Variants in DNM2 observed in about 807,000 individuals in gnomAD.
DNM2 encodes the protein dynamin 2.
Under a neutral mutation model 99.0 loss-of-function variants are expected in DNM2, and 15 were observed. That is an observed-to-expected ratio of 0.15 (90% CI 0.10 to 0.23). The LOEUF (loss-of-function observed/expected upper bound fraction) is 0.23. DNM2 is among the 10% of genes least tolerant of loss of function. The pLI, the probability that DNM2 is intolerant of heterozygous loss-of-function variation, is 1.00. For missense variants in DNM2, 742 were observed against 1,189.4 expected (o/e 0.62, Z 5.53); for synonymous variants, 525 against 481.2 (o/e 1.09, Z -1.19).
intron 7 of DNM2, among the ~76,000 whole-genome samples, chr19:10,792,708 AGC>A (rs1053143164): frequency 9.9e-5 from 15 of 152,044 alleles, no homozygotes; most frequent in Admixed American, 7.2e-4. Context: ...CCCAGATTCA[AGC>A]GGTTCTCCTG....
At chr19:10,730,579 C>T (rs2069279413) in intron 1 of DNM2, among the ~76,000 whole-genome samples, 2 of 152,098 alleles carry the variant, frequency 1.3e-5, no homozygotes, top group South Asian at 4.1e-4. Context: ...GTTTTGGAGA[C>T]TCACAGCCTG....
At chr19:10,753,010 G>A (rs1471070548) in intron 1 of DNM2, among the ~76,000 whole-genome samples, 3 of 152,166 alleles carry the variant, frequency 2.0e-5, no homozygotes, top group Non-Finnish European at 4.4e-5. Context: ...TGTGATCCCA[G>A]CTACTTGGGA....
At chr19:10,759,570 C>A in intron 1 of DNM2, 168 bp from the exon 2 acceptor site, 1 of 779,498 alleles carries the variant, frequency 1.3e-6, no homozygotes, top group Non-Finnish European at 2.3e-6. Flanking sequence ...GCTCTTCAGG[C>A]CTCAGGACCC....
chr19:10,753,047 C>T (rs528774327), intron 1 of DNM2, among the ~76,000 whole-genome samples: 9 of 152,238 alleles, frequency 5.9e-5, no homozygotes, highest in African/African-American at 1.9e-4. Context: ...TCACTTGAGC[C>T]CTACAGTTGG....
chr19:10,724,891 C>T (rs993224705), intron 1 of DNM2, among the ~76,000 whole-genome samples: 5 of 152,176 alleles, frequency 3.3e-5, no homozygotes, highest in African/African-American at 4.8e-5. Flanking sequence ...TTTCCAGCTG[C>T]GTTTTTATTT....
At chr19:10,808,426 TGC>T in intron 13 of DNM2, 141 bp from the exon 14 acceptor site, 1 of 760,382 alleles carries the variant, frequency 1.3e-6, no homozygotes, top group Admixed American at 3.1e-5. Flanking sequence ...TTTTTTCTTT[TGC>T]TGTTTTTTCC....
At position 10,831,055 on chromosome 19, in the gene DNM2, G is replaced by T. The variant is rs764535055; in HGVS notation, c.*8G>T. On this transcript the variant is annotated 3_prime_UTR_variant, in exon 21 of 21. Transcript: ENST00000389253. This position sits in a 1 kb window ranked among gnomAD's most constrained non-coding sequence, Gnocchi z 4.3. ...CCATCCCTGCTCGACTAGGCCTCGAGGGGGGCGTGCTCTCGGGGGGGCCTC... is the reference window on the plus strand; with the variant it reads ...CCATCCCTGCTCGACTAGGCCTCGATGGGGGCGTGCTCTCGGGGGGGCCTC... The T allele has an allele frequency of 1.9e-6, 3 of 1,598,558 alleles. No individual in the cohort carries two copies. The highest frequency in any genetic ancestry group is 2.3e-5 in the East Asian group (1 of 44,306).
intron 5 of DNM2, among the ~76,000 whole-genome samples, chr19:10,779,797 G>A (rs1014630616): frequency 1.3e-4 from 20 of 152,048 alleles, no homozygotes; most frequent in South Asian, 8.3e-4. Context: ...GGGATTACAG[G>A]CACTCGCCAC....
chr19:10,756,859 G>C (rs1457978189), intron 1 of DNM2, among the ~76,000 whole-genome samples: 1 of 151,992 alleles, frequency 6.6e-6, no homozygotes, highest in Non-Finnish European at 1.5e-5. Flanking sequence ...ACCCCTGCCT[G>C]CCATCTCTCT....
Position 10,818,374 on chromosome 19 carries a change from C to T in DNM2, c.1672-1606C>T, listed in dbSNP as rs947992046. 2.6e-5 allele frequency among the ~76,000 whole-genome samples: 4 copies of T among 152,270 alleles called. No homozygotes were observed. Among genetic ancestry groups the T allele is most frequent in the South Asian group, 2.1e-4 (1 of 4,834 alleles). ...TCACAAGAGCAACCAAAGAAAATCC[C>T]GGGTGCTCATGGGCACCAGCTCTGC... On this transcript the variant is annotated intron_variant, in intron 15 of 20. Transcript: ENST00000389253. This position sits in a 1 kb window ranked among gnomAD's most constrained non-coding sequence, Gnocchi z 4.3.
chr19:10,827,277 T>C (rs930020866), intron 18 of DNM2, among the ~76,000 whole-genome samples: 3 of 152,184 alleles, frequency 2.0e-5, no homozygotes, highest in African/African-American at 7.2e-5. Flanking sequence ...GCAAGTTTAC[T>C]TTTAGGAACT....
At chr19:10,758,304 TC>T (rs1413288780) in intron 1 of DNM2, among the ~76,000 whole-genome samples, 14 of 139,562 alleles carry the variant, frequency 1.0e-4, no homozygotes, top group African/African-American at 2.2e-4. Flanking sequence ...CCTCCCTCCT[TC>T]CCTCCCTCCT....
chr19:10,731,697 G>C (rs1316252751), intron 1 of DNM2, among the ~76,000 whole-genome samples: 6 of 152,196 alleles, frequency 3.9e-5, no homozygotes, highest in Admixed American at 3.9e-4. Context: ...GACAGTGACT[G>C]AGAGAGGCCA....
chr19:10,773,565 C>T lies in DNM2; in HGVS notation c.385+937C>T, dbSNP rs539199830. ...CCGGGTTCAAGCAATTCTCTGGCCT[C>T]AGCCTCCCGAGTAGCTGGGATTACA... On this transcript the variant is annotated intron_variant, in intron 3 of 20. Transcript: ENST00000389253. Among the ~76,000 whole-genome samples, 5 of 151,980 alleles carry T rather than the reference C, an allele frequency of 3.3e-5. No homozygotes were observed. In the South Asian group the frequency reaches 8.3e-4, roughly 25 times the overall value.
In DNM2 at chr19:10,830,708, C is replaced by T. The variant is rs1231424524; in HGVS notation, c.2544-270C>T. Among the ~76,000 whole-genome samples, 3 of 152,192 alleles carry T rather than the reference C, an allele frequency of 2.0e-5. No individual in the cohort carries two copies. Among genetic ancestry groups the T allele is most frequent in the Admixed American group, 2.0e-4 (3 of 15,290 alleles). ...CCTTCCTGCTCCTGCCTGCCTCAACCTACCGTGGGCCAGGCTTTATTCTCC... is the reference window on the plus strand; with the variant it reads ...CCTTCCTGCTCCTGCCTGCCTCAACTTACCGTGGGCCAGGCTTTATTCTCC... On this transcript the variant is annotated intron_variant, in intron 20 of 20. Coordinates refer to ENST00000389253, the MANE Select transcript of DNM2 (RefSeq NM_001005361.3). The surrounding 1 kb of genome is among the most constrained non-coding windows in gnomAD (Gnocchi z 4.8).
At chr19:10,756,346 A>C (rs2070384288) in intron 1 of DNM2, among the ~76,000 whole-genome samples, 1 of 151,526 alleles carries the variant, frequency 6.6e-6, no homozygotes, top group Non-Finnish European at 1.5e-5. Flanking sequence ...CCCCCGTCAG[A>C]ATGTTGGCGC....
At chr19:10,728,820 G>C (rs1041372532) in intron 1 of DNM2, among the ~76,000 whole-genome samples, 1 of 151,632 alleles carries the variant, frequency 6.6e-6, no homozygotes, top group African/African-American at 2.4e-5. Flanking sequence ...GGTGGTACTT[G>C]TCTGTCGTCC....
At chr19:10,805,663 T>C (rs2072305258) in intron 12 of DNM2, among the ~76,000 whole-genome samples, 1 of 152,150 alleles carries the variant, frequency 6.6e-6, no homozygotes, top group Non-Finnish European at 1.5e-5. Flanking sequence ...TAGTGACATC[T>C]GGAAGTAACC....
At position 10,775,629 on chromosome 19, in the gene DNM2, C is replaced by G; in HGVS notation, c.386-74C>G. On this transcript the variant is annotated intron_variant, in intron 3 of 20. Coordinates refer to ENST00000389253, the MANE Select transcript of DNM2 (RefSeq NM_001005361.3). The surrounding 1 kb of genome is among the most constrained non-coding windows in gnomAD (Gnocchi z 4.3). ...CCCGCGCAGGAACTTTGGTAGTCAGCTGGGTGGCTGCGGGCCTGTTTGTGC... is the reference window on the plus strand; with the variant it reads ...CCCGCGCAGGAACTTTGGTAGTCAGGTGGGTGGCTGCGGGCCTGTTTGTGC... 6.4e-7 allele frequency: 1 copy of G among 1,554,954 alleles called. No homozygotes were observed. Among genetic ancestry groups the G allele is most frequent in the Non-Finnish European group, 8.9e-7 (1 of 1,127,744 alleles).
Sources: gnomAD v4.1 joint callset for allele counts (sites outside exome capture counted in the v4.1 genomes callset) on GRCh38, gnomAD v4.1.1 for gene constraint, Gnocchi (gnomAD v3.1) non-coding constraint, MANE v1.5 for transcripts, NCBI Gene and HGNC (gene_info 2026-07-23, HGNC 2026-07-21) for gene names.